The following SETBP1 variants were observed in gnomAD, a reference collection of about 807,000 sequenced individuals.
The protein encoded by SETBP1 is SET binding protein 1.
A neutral mutation model predicts 101.0 loss-of-function variants in SETBP1; 9 were observed. That is an observed-to-expected ratio of 0.09 (90% CI 0.05 to 0.16). The LOEUF is 0.16. Ranked by LOEUF, SETBP1 falls within the 10% of genes least tolerant of loss-of-function variation. The pLI, the probability that SETBP1 is intolerant of heterozygous loss-of-function variation, is 1.00. For missense variants in SETBP1, 1,858 were observed against 2,033.8 expected (o/e 0.91, Z 1.66); for synonymous variants, 818 against 788.5 (o/e 1.04, Z -0.63).
At chr18:44,975,285 G>A (rs553200222) in intron 4 of SETBP1, among the ~76,000 whole-genome samples, 72 of 152,140 alleles carry the variant, frequency 4.7e-4, no homozygotes, top group Non-Finnish European at 7.6e-4. Flanking sequence ...TCTTACTTGT[G>A]GGGAACATTC....
intron 3 of SETBP1, among the ~76,000 whole-genome samples, chr18:44,892,778 GT>G (rs1221902032): frequency 6.6e-6 from 1 of 152,110 alleles, no homozygotes; most frequent in Non-Finnish European, 1.5e-5. Flanking sequence ...TTTGAAAGCA[GT>G]TATCAGAACT....
chr18:44,995,401 T>A (rs1253712894), intron 4 of SETBP1, among the ~76,000 whole-genome samples: 2 of 151,988 alleles, frequency 1.3e-5, no homozygotes, highest in Admixed American at 6.6e-5. Context: ...TCGGCCTCCC[T>A]AAGTGCTGGG....
chr18:44,776,600 C>T (rs2071009808), intron 2 of SETBP1, among the ~76,000 whole-genome samples: 1 of 152,164 alleles, frequency 6.6e-6, no homozygotes, highest in South Asian at 2.1e-4. Context: ...CCTCTAATTC[C>T]CTGTATTCAT....
At chr18:45,049,554 A>T (rs2086780650) in intron 5 of SETBP1, among the ~76,000 whole-genome samples, 1 of 152,214 alleles carries the variant, frequency 6.6e-6, no homozygotes, top group Admixed American at 6.5e-5. Context: ...CAGATTTTTA[A>T]CTGGGAATAA....
rs138693883 is a variant in SETBP1 at position 44,969,411 on chromosome 18, C to T, written c.4000+16071C>T. Among the ~76,000 whole-genome samples the T allele has an allele frequency of 5.9e-5, 9 of 152,298 alleles. No individual in the cohort carries two copies. The East Asian group carries it at 9.7e-4, about 16-fold the overall frequency. On this transcript the variant is annotated intron_variant, in intron 4 of 5. Transcript: ENST00000649279. ...GGAACGCAGTGCCCTGTCCAACCCA[C>T]GAACTGTTGGCAGCATCATAACTCT...
At chr18:44,730,159 G>A (rs966139120) in intron 2 of SETBP1, among the ~76,000 whole-genome samples, 12 of 152,282 alleles carry the variant, frequency 7.9e-5, no homozygotes, top group African/African-American at 2.9e-4. Flanking sequence ...TATTGAATAC[G>A]ACTTGCTTTA....
At chr18:45,047,293 T>A (rs1251030730) in intron 5 of SETBP1, among the ~76,000 whole-genome samples, 1 of 152,178 alleles carries the variant, frequency 6.6e-6, no homozygotes, top group Non-Finnish European at 1.5e-5. Flanking sequence ...AAGATACTCA[T>A]TTTATATCAA....
At chr18:44,887,680 A>G (rs971969113) in intron 3 of SETBP1, among the ~76,000 whole-genome samples, 5 of 152,164 alleles carry the variant, frequency 3.3e-5, no homozygotes, top group Admixed American at 6.5e-5. Context: ...ATACAGGAGC[A>G]AGGACAAGCT....
chr18:44,934,277 T>C (rs1019371958), intron 3 of SETBP1, among the ~76,000 whole-genome samples: 6 of 152,126 alleles, frequency 3.9e-5, no homozygotes, highest in African/African-American at 1.4e-4. Flanking sequence ...GCCTCCCAAG[T>C]AGCTGAGATT....
chr18:44,727,474 T>A (rs2069739437), intron 2 of SETBP1, among the ~76,000 whole-genome samples: 1 of 152,170 alleles, frequency 6.6e-6, no homozygotes, highest in South Asian at 2.1e-4. Context: ...GTGGCCAGCA[T>A]CACTTTTCAG....
rs180723344 is a variant in SETBP1 at position 45,056,440 on chromosome 18, G to A, written c.4172-6639G>A. Among the ~76,000 whole-genome samples, 64 of 152,312 alleles carry A rather than the reference G, an allele frequency of 4.2e-4. 1 individual carries two copies. The South Asian group carries it at 1.0e-2, about 24-fold the overall frequency. On this transcript the variant is annotated intron_variant, in intron 5 of 5. Transcript: ENST00000649279. ...GGTGACCTGTCATCTGATGGGCAGC[G>A]CAAGTAAGGGCATGGCTGGAGTTCC...
intron 2 of SETBP1, among the ~76,000 whole-genome samples, chr18:44,833,980 G>C (rs936173996): frequency 6.6e-6 from 1 of 152,346 alleles, no homozygotes; most frequent in South Asian, 2.1e-4. Flanking sequence ...AAATTTTAAC[G>C]TAGGTGTGGG....
chr18:44,743,637 A>G (rs556670763), intron 2 of SETBP1, among the ~76,000 whole-genome samples: 5 of 152,286 alleles, frequency 3.3e-5, no homozygotes, highest in African/African-American at 1.2e-4. Context: ...GAGAGAGAGG[A>G]AAAAGAAAAT....
At chr18:44,697,240 A>G (rs1354939965) in intron 1 of SETBP1, 2 of 152,362 alleles carry the variant, frequency 1.3e-5, no homozygotes, top group African/African-American at 4.8e-5. Flanking sequence ...TGATACCCAG[A>G]CTCACCAAAA....
chr18:44,843,849 G>A (rs919753103), intron 2 of SETBP1, among the ~76,000 whole-genome samples: 1 of 152,130 alleles, frequency 6.6e-6, no homozygotes, highest in African/African-American at 2.4e-5. Context: ...GTAAACCCAG[G>A]ACCAAACCAC....
chr18:44,833,728 C>T (rs1373174033), intron 2 of SETBP1, among the ~76,000 whole-genome samples: 1 of 152,212 alleles, frequency 6.6e-6, no homozygotes, highest in Non-Finnish European at 1.5e-5. Context: ...CATTTCCTGG[C>T]TCAGAAATGG....
At chr18:45,003,356 G>T (rs150488318) in intron 4 of SETBP1, among the ~76,000 whole-genome samples, 2 of 152,100 alleles carry the variant, frequency 1.3e-5, no homozygotes, top group African/African-American at 4.8e-5. Flanking sequence ...TGGCAATATC[G>T]TTGCAATAAG....
chr18:44,971,385 A>G (rs1456313973), intron 4 of SETBP1, among the ~76,000 whole-genome samples: 5 of 152,216 alleles, frequency 3.3e-5, no homozygotes, highest in African/African-American at 4.8e-5. Context: ...CTTTGGGTAT[A>G]TACCCAGAAA....
chr18:44,914,643 G>A (rs945740316), intron 3 of SETBP1, among the ~76,000 whole-genome samples: 7 of 152,316 alleles, frequency 4.6e-5, no homozygotes, highest in Admixed American at 1.3e-4. Context: ...AGGAAGAGGT[G>A]AGGATGGATA....
Sources: allele counts gnomAD v4.1 joint callset (sites outside exome capture counted in the v4.1 genomes callset), GRCh38; gene constraint gnomAD v4.1.1; transcripts MANE v1.5; gene names NCBI Gene and HGNC (gene_info 2026-07-23, HGNC 2026-07-21).